ACSS3: variants seen among roughly 807,000 people sequenced by gnomAD.
ACSS3 encodes acyl-CoA synthetase short-chain family member 3, mitochondrial.
In ACSS3, 64 loss-of-function variants were observed where a neutral mutation model predicts 84.2. That is an observed-to-expected ratio of 0.76 (90% CI 0.62 to 0.94). The LOEUF is 0.94. Among genes scored for constraint, ACSS3 ranks in the 40% least tolerant of loss-of-function variants. ACSS3 has a pLI of 0.00. For synonymous variants in ACSS3, 317 were observed against 310.1 expected, an observed-to-expected ratio of 1.02 and a Z score of -0.23; for missense variants, 815 against 867.6, an observed-to-expected ratio of 0.94 and a Z score of 0.76.
At chr12:81,199,521 A>T in intron 9 of ACSS3, 77 bp downstream of exon 9, 1 of 1,494,300 alleles carries the variant, frequency 6.7e-7, no homozygotes, top group Admixed American at 1.8e-5. Flanking sequence ...GAAACTTTTG[A>T]GCTACGACCA....
rs1398643269 is a variant in ACSS3 at position 81,109,600 on chromosome 12, G to C, written c.352G>C (p.Asp118His). The C allele has an allele frequency of 6.2e-7, 1 of 1,612,380 alleles. No homozygotes were observed. Among genetic ancestry groups the C allele is most frequent in the Non-Finnish European group, 8.5e-7 (1 of 1,179,214 alleles). Reference sequence around the variant, plus strand: ...GCTTAACATTTGTTACAATGCCGTTGATCGTCATATTGAAAATGGTAAAGG... The same window carrying C: ...GCTTAACATTTGTTACAATGCCGTTCATCGTCATATTGAAAATGGTAAAGG... ...GMLNICYNAV[D>H]RHIENGKGDK... The change falls in exon 2 of 16, where the codon GAT (aspartate) becomes CAT (histidine). Residue 118 changes from aspartate (D) to histidine (H), a missense_variant. By Grantham distance (81) the Asp-to-His change is moderately conservative. Transcript: ENST00000548058.
At chr12:81,179,889 C>T (rs1391469277) in intron 8 of ACSS3, among the ~76,000 whole-genome samples, 1 of 152,024 alleles carries the variant, frequency 6.6e-6, no homozygotes, top group Non-Finnish European at 1.5e-5. Flanking sequence ...TTAATTGGCT[C>T]ATGGTTTTGC....
intron 1 of ACSS3, among the ~76,000 whole-genome samples, chr12:81,086,250 A>G (rs1352095852): frequency 1.6e-5 from 2 of 122,986 alleles, no homozygotes; most frequent in Non-Finnish European, 4.2e-5. Context: ...CAGTAAAGGT[A>G]TATTTAAAAT....
chr12:81,114,225 A>T (rs2121518527), intron 2 of ACSS3, among the ~76,000 whole-genome samples: 1 of 152,288 alleles, frequency 6.6e-6, no homozygotes, highest in African/African-American at 2.4e-5. Flanking sequence ...TTTAATTCAA[A>T]CTGCAAATTC....
chr12:81,130,276 G>A (rs543519710), intron 2 of ACSS3, among the ~76,000 whole-genome samples: 2 of 152,038 alleles, frequency 1.3e-5, no homozygotes, highest in African/African-American at 4.8e-5. Context: ...TCCACATCCT[G>A]TCCAGCACCT....
intron 7 of ACSS3, among the ~76,000 whole-genome samples, chr12:81,169,072 C>T (rs1170285557): frequency 6.6e-6 from 1 of 152,150 alleles, no homozygotes; most frequent in African/African-American, 2.4e-5. Flanking sequence ...ACATTGGTTT[C>T]ATTCAAAATC....
chr12:81,104,419 C>A (rs1053268378), intron 1 of ACSS3, among the ~76,000 whole-genome samples: 1 of 152,134 alleles, frequency 6.6e-6, no homozygotes, highest in Non-Finnish European at 1.5e-5. Context: ...TCAATTTCAT[C>A]CTTACCAGTA....
chr12:81,199,632 T>C (rs1386782795), intron 9 of ACSS3, 188 bp downstream of exon 9: 2 of 1,498,722 alleles, frequency 1.3e-6, no homozygotes, highest in Non-Finnish European at 1.8e-6. Context: ...ATAAGTGACA[T>C]TGATGCCACC....
intron 8 of ACSS3, among the ~76,000 whole-genome samples, chr12:81,197,962 G>A (rs1320313832): frequency 2.0e-5 from 3 of 151,938 alleles, no homozygotes; most frequent in African/African-American, 7.3e-5. Flanking sequence ...AGCCTCCCAG[G>A]TCACTGATTG....
intron 8 of ACSS3, among the ~76,000 whole-genome samples, chr12:81,197,715 T>C (rs1429699207): frequency 2.0e-5 from 3 of 152,206 alleles, no homozygotes; most frequent in Non-Finnish European, 4.4e-5. Context: ...AGTTTGAAAT[T>C]GCCTTCTGTC....
chr12:81,198,570 A>C (rs1161572211), intron 8 of ACSS3, among the ~76,000 whole-genome samples: 5 of 151,298 alleles, frequency 3.3e-5, no homozygotes, highest in African/African-American at 1.2e-4. Flanking sequence ...ATATATAAAC[A>C]GGTCCTGAGG....
chr12:81,235,853 C>A (rs2135979202), intron 13 of ACSS3, among the ~76,000 whole-genome samples: 1 of 151,546 alleles, frequency 6.6e-6, no homozygotes, highest in East Asian at 1.9e-4. Flanking sequence ...TGCTTGCTAG[C>A]TCTAGCGGTA....
At position 81,078,168 on chromosome 12, in the gene ACSS3, G is replaced by T; in HGVS notation, c.48G>T (p.Gly16=). Residue 16 remains glycine, a synonymous_variant, in exon 1 of 16, where the codon GGG becomes GGT. Transcript: ENST00000548058. ...LQCRKVTSAG[G]LGGPLPGSSP... Reference sequence around the variant, plus strand: ...GTCGTAAAGTCACCAGCGCCGGGGGGCTCGGAGGGCCCTTGCCTGGGTCCT... The same window carrying T: ...GTCGTAAAGTCACCAGCGCCGGGGGTCTCGGAGGGCCCTTGCCTGGGTCCT... 1 of 1,520,888 alleles carries T rather than the reference G, an allele frequency of 6.6e-7. No homozygotes were observed. Among genetic ancestry groups the T allele is most frequent in the Middle Eastern group, 1.8e-4 (1 of 5,546 alleles). The allele number at this position is 1,520,888 out of a possible 1,614,324, so 94.2% of individuals were successfully genotyped here. A position where few individuals can be genotyped will look rare whatever the true frequency, so the allele number is the denominator to read the frequency against.
intron 5 of ACSS3, among the ~76,000 whole-genome samples, chr12:81,144,578 A>G (rs1886236371): frequency 9.6e-6 from 1 of 103,918 alleles, no homozygotes; most frequent in Non-Finnish European, 2.2e-5. Flanking sequence ...CAAAGTTATG[A>G]TCTAATATAA....
chr12:81,170,227 C>T (rs969841671), intron 7 of ACSS3, among the ~76,000 whole-genome samples: 2 of 152,056 alleles, frequency 1.3e-5, no homozygotes, highest in Admixed American at 1.3e-4. Flanking sequence ...GAAAACTTAA[C>T]CTCAGTAGCA....
At chr12:81,115,101 G>A (rs557658241) in intron 2 of ACSS3, among the ~76,000 whole-genome samples, 1 of 152,120 alleles carries the variant, frequency 6.6e-6, no homozygotes, top group Non-Finnish European at 1.5e-5. Context: ...GTAATGTCTG[G>A]TTGGGACTAT....
intron 11 of ACSS3, among the ~76,000 whole-genome samples, chr12:81,220,336 G>A (rs749629197): frequency 2.0e-5 from 3 of 151,872 alleles, no homozygotes; most frequent in Non-Finnish European, 1.5e-5. Context: ...GTTATGTATA[G>A]ATGATAAAGT....
At chr12:81,128,279 C>A (rs572720803) in intron 2 of ACSS3, among the ~76,000 whole-genome samples, 3 of 152,156 alleles carry the variant, frequency 2.0e-5, no homozygotes, top group Admixed American at 6.6e-5. Context: ...GGACATACAG[C>A]TGATACTACA....
At position 81,167,143 on chromosome 12, in the gene ACSS3, A is replaced by G. The variant is rs997195036; in HGVS notation, c.1099-7645A>G. Reference sequence around the variant, plus strand: ...TTAGCACTGCATCTGCAGAATTAGCAGTTTCCATTCTCTGCTTCATTTACT... The same window carrying G: ...TTAGCACTGCATCTGCAGAATTAGCGGTTTCCATTCTCTGCTTCATTTACT... On this transcript the variant is annotated intron_variant, in intron 7 of 15. Coordinates refer to ENST00000548058, the MANE Select transcript of ACSS3 (RefSeq NM_024560.4). 3.9e-5 allele frequency among the ~76,000 whole-genome samples: 6 copies of G among 152,356 alleles called. No individual in the cohort carries two copies. The East Asian group carries it at 5.8e-4, about 15-fold the overall frequency.
Sources: allele counts gnomAD v4.1 joint callset (sites outside exome capture counted in the v4.1 genomes callset), GRCh38; gene constraint gnomAD v4.1.1; transcripts MANE v1.5; gene names NCBI Gene and HGNC (gene_info 2026-07-23, HGNC 2026-07-21).